Variants in TSG101 observed in about 807,000 individuals in gnomAD.
TSG101 encodes the protein tumor susceptibility gene 101 protein.
In TSG101, 19 loss-of-function variants were observed where a neutral mutation model predicts 48.5. That is an observed-to-expected ratio of 0.39 (90% CI 0.27 to 0.58). The LOEUF (loss-of-function observed/expected upper bound fraction) is 0.58, where lower values mean the gene tolerates loss of function less well. Among genes scored for constraint, TSG101 ranks in the 20% least tolerant of loss-of-function variants. The pLI is 0.55. For synonymous variants in TSG101, 174 were observed against 169.4 expected (o/e 1.03, Z -0.21); for missense variants, 365 against 484.4 (o/e 0.75, Z 2.31).
chr11:18,525,871 G>C (rs907009672), intron 1 of TSG101, among the ~76,000 whole-genome samples: 16 of 152,144 alleles, frequency 1.1e-4, no homozygotes, highest in African/African-American at 3.9e-4. Context: ...TTTTAAAAAA[G>C]TTTTACACAT....
chr11:18,487,083 C>G (rs1849630044), intron 7 of TSG101, among the ~76,000 whole-genome samples: 1 of 134,288 alleles, frequency 7.4e-6, no homozygotes, highest in Non-Finnish European at 1.5e-5. Flanking sequence ...AACACATGGA[C>G]ACAGGAAGGG....
intron 7 of TSG101, among the ~76,000 whole-genome samples, chr11:18,497,101 A>C (rs1182444288): frequency 6.6e-6 from 1 of 152,004 alleles, no homozygotes; most frequent in Non-Finnish European, 1.5e-5. Flanking sequence ...AAACAACAAC[A>C]ACAAAAAAAA....
At position 18,481,612 on chromosome 11, in the gene TSG101, C is replaced by G; in HGVS notation, c.1083+18G>C. 4.4e-6 allele frequency: 7 copies of G among 1,601,914 alleles called. No homozygotes were observed. Among genetic ancestry groups the G allele is most frequent in the Non-Finnish European group, 6.0e-6 (7 of 1,174,190 alleles). On this transcript the variant is annotated intron_variant, in intron 9 of 9. Transcript: ENST00000251968. ...CAACCCAAGTTAAAAAATCTTGGAA[C>G]GTAAAATGAAGAAATACCTTCAGGA... is the stretch of plus-strand genomic sequence containing the variant.
chr11:18,505,419 C>A (rs1849953774), intron 6 of TSG101, among the ~76,000 whole-genome samples: 1 of 152,058 alleles, frequency 6.6e-6, no homozygotes, highest in South Asian at 2.1e-4. Flanking sequence ...CCATGCCTGG[C>A]TAATTTTAAT....
rs74815351 is a variant in TSG101 at position 18,480,555 on chromosome 11, G to A, written c.1164C>T (p.Asp388=). ...GCTGGTATCAGAGAAGTCAGTAGAG[G>A]TCACTGAGACCGGCAGTCTTTCTTG... ...QKARKTAGLS[D]LY The change falls in exon 10 of 10, where the codon GAC becomes GAT. Residue 388 remains aspartate, a synonymous_variant. Transcript: ENST00000251968. The A allele has an allele frequency of 1.9e-6, 3 of 1,613,450 alleles. No homozygotes were observed. Among genetic ancestry groups the A allele is most frequent in the Non-Finnish European group, 1.7e-6 (2 of 1,179,714 alleles).
At chr11:18,518,942 C>CTAAA (rs1850223507) in intron 2 of TSG101, among the ~76,000 whole-genome samples, 1 of 152,056 alleles carries the variant, frequency 6.6e-6, no homozygotes, top group Non-Finnish European at 1.5e-5. Context: ...GGGAAATGGA[C>CTAAA]TAAATTATCT....
chr11:18,499,292 ATTTAT>A (rs1849839892), intron 7 of TSG101, among the ~76,000 whole-genome samples: 1 of 110,616 alleles, frequency 9.0e-6, no homozygotes, highest in Admixed American at 1.2e-4. Flanking sequence ...TATCATATAT[ATTTAT>A]ATTTATATAT....
chr11:18,502,473 C>T lies in TSG101; in HGVS notation c.640+13G>A. The T allele has an allele frequency of 6.2e-7, 1 of 1,607,238 alleles. No homozygotes were observed. Among genetic ancestry groups the T allele is most frequent in the South Asian group, 1.1e-5 (1 of 90,048 alleles). ...GCTTATATGGTGAAACACAAGTTTT[C>T]AAGGGTACTTACCAACAGTGGTCAC... On this transcript the variant is annotated intron_variant, in intron 7 of 9. Coordinates refer to ENST00000251968, the MANE Select transcript of TSG101 (RefSeq NM_006292.4).
At chr11:18,524,325 G>A (rs745966913) in intron 1 of TSG101, among the ~76,000 whole-genome samples, 22 of 152,202 alleles carry the variant, frequency 1.4e-4, no homozygotes, top group Non-Finnish European at 2.9e-4. Context: ...GGGAAAAAAA[G>A]ACCTTTTATA....
At chr11:18,522,459 A>C (rs1436115904) in intron 1 of TSG101, among the ~76,000 whole-genome samples, 4 of 152,148 alleles carry the variant, frequency 2.6e-5, no homozygotes, top group Non-Finnish European at 2.9e-5. Flanking sequence ...ATCTGTCAAA[A>C]TATCCTGTTA....
chr11:18,519,702 T>C, intron 1 of TSG101, 99 bp from the exon 2 acceptor site: 1 of 849,590 alleles, frequency 1.2e-6, no homozygotes, highest in Non-Finnish European at 1.9e-6. Flanking sequence ...ATTGTTAACA[T>C]TAATGAAAGC....
At chr11:18,517,024 A>G (rs917451530) in intron 2 of TSG101, among the ~76,000 whole-genome samples, 1 of 152,210 alleles carries the variant, frequency 6.6e-6, no homozygotes, top group Admixed American at 6.5e-5. Flanking sequence ...AGATGTGCAG[A>G]CATTTATCCC....
chr11:18,510,394 C>T (rs1369248174), intron 4 of TSG101, among the ~76,000 whole-genome samples: 1 of 152,140 alleles, frequency 6.6e-6, no homozygotes, highest in Non-Finnish European at 1.5e-5. Flanking sequence ...GCACTCCATC[C>T]TAGGCGACAG....
At chr11:18,506,987 A>G (rs1213916840) in intron 5 of TSG101, 64 bp from the exon 6 acceptor site, 4 of 1,349,870 alleles carry the variant, frequency 3.0e-6, no homozygotes, top group South Asian at 2.5e-5. Context: ...AGGCTACTGA[A>G]TAAGATATAC....
intron 2 of TSG101, among the ~76,000 whole-genome samples, chr11:18,517,192 T>C (rs1407468190): frequency 6.6e-6 from 1 of 152,036 alleles, no homozygotes; most frequent in Admixed American, 6.6e-5. Flanking sequence ...CAGCTTTTTT[T>C]TTTTTTAGAA....
At chr11:18,509,398 T>TG in intron 5 of TSG101, 144 bp downstream of exon 5, 10 of 1,097,098 alleles carry the variant, frequency 9.1e-6, no homozygotes, top group Non-Finnish European at 1.2e-5. Context: ...CATGCAGATG[T>TG]GGGGCCTCAG....
intron 6 of TSG101, among the ~76,000 whole-genome samples, chr11:18,505,637 G>A (rs192047329): frequency 4.6e-4 from 70 of 152,248 alleles, no homozygotes; most frequent in African/African-American, 1.5e-3. Flanking sequence ...ACTTTCTAGC[G>A]TGTGTTAACA....
chr11:18,521,570 T>G (rs1402543855), intron 1 of TSG101, among the ~76,000 whole-genome samples: 2 of 151,422 alleles, frequency 1.3e-5, no homozygotes, highest in African/African-American at 4.9e-5. Context: ...GATCTCACTA[T>G]GTTGCCCAAG....
intron 1 of TSG101, among the ~76,000 whole-genome samples, chr11:18,523,677 T>C (rs1850318841): frequency 6.6e-6 from 1 of 152,036 alleles, no homozygotes; most frequent in African/African-American, 2.4e-5. Flanking sequence ...TAATTTTGTA[T>C]TTTTAGTAGA....
Sources: allele counts gnomAD v4.1 joint callset (sites outside exome capture counted in the v4.1 genomes callset), GRCh38; gene constraint gnomAD v4.1.1; transcripts MANE v1.5; gene names NCBI Gene and HGNC (gene_info 2026-07-23, HGNC 2026-07-21).